Variants in RABGAP1L observed in about 807,000 individuals in gnomAD.
The protein encoded by RABGAP1L is RAB GTPase activating protein 1 like, also known as rab GTPase-activating protein 1-like.
A neutral mutation model predicts 137.7 loss-of-function variants in RABGAP1L; 63 were observed. The observed-to-expected ratio is 0.46, with a 90% CI of 0.37 to 0.56. The LOEUF is 0.56. RABGAP1L is among the 20% of genes least tolerant of loss of function. The pLI is 0.00. For synonymous variants in RABGAP1L, 431 were observed against 433.7 expected (o/e 0.99, Z 0.08); for missense variants, 1,095 against 1,244.0 (o/e 0.88, Z 1.80).
At chr1:174,718,200 G>A (rs968192449) in intron 17 of RABGAP1L, among the ~76,000 whole-genome samples, 2 of 152,026 alleles carry the variant, frequency 1.3e-5, no homozygotes, top group African/African-American at 4.8e-5. Context: ...TTTGGTTTGA[G>A]TTTTGGTTAT....
intron 1 of RABGAP1L, among the ~76,000 whole-genome samples, chr1:174,195,727 TTTCTTTTC>T (rs1667595316): frequency 9.9e-6 from 1 of 100,854 alleles, no homozygotes; most frequent in Non-Finnish European, 2.1e-5. Context: ...CTTTCTTTTC[TTTCTTTTC>T]TTTCTTTCTT....
intron 18 of RABGAP1L, among the ~76,000 whole-genome samples, chr1:174,804,351 A>G (rs1456649774): frequency 6.8e-6 from 1 of 146,496 alleles, no homozygotes; most frequent in East Asian, 2.1e-4. Flanking sequence ...GCTCACTGCA[A>G]CCTCCGCCTC....
At chr1:174,384,554 T>G (rs1031505866) in intron 12 of RABGAP1L, among the ~76,000 whole-genome samples, 3 of 152,084 alleles carry the variant, frequency 2.0e-5, no homozygotes, top group African/African-American at 7.2e-5. Flanking sequence ...TTATGTCTTA[T>G]ACATAGATGG....
At chr1:174,372,064 C>T (rs1685155319) in intron 12 of RABGAP1L, among the ~76,000 whole-genome samples, 1 of 152,088 alleles carries the variant, frequency 6.6e-6, no homozygotes, top group Admixed American at 6.6e-5. Context: ...AGCTGCTTCT[C>T]CTTTTTAAGC....
intron 7 of RABGAP1L, among the ~76,000 whole-genome samples, chr1:174,268,718 AAAGCC>A (rs1435616526): frequency 6.6e-6 from 1 of 152,146 alleles, no homozygotes; most frequent in Non-Finnish European, 1.5e-5. Context: ...AGTTAAGTCT[AAAGCC>A]GTATTAGTGA....
At chr1:174,985,671 A>G (rs1473895614) in intron 24 of RABGAP1L, among the ~76,000 whole-genome samples, 1 of 152,196 alleles carries the variant, frequency 6.6e-6, no homozygotes, top group Non-Finnish European at 1.5e-5. Context: ...CCTTTACACT[A>G]TAATCAGAAT....
At chr1:174,633,315 C>T (rs1286934497) in intron 13 of RABGAP1L, among the ~76,000 whole-genome samples, 5 of 144,560 alleles carry the variant, frequency 3.5e-5, no homozygotes, top group African/African-American at 1.3e-4. Flanking sequence ...ACCTAGGAAT[C>T]CAACTTACAA....
chr1:174,187,600 A>C (rs1186104312), intron 1 of RABGAP1L, among the ~76,000 whole-genome samples: 1 of 152,182 alleles, frequency 6.6e-6, no homozygotes, highest in African/African-American at 2.4e-5. Flanking sequence ...CATTTAAAAA[A>C]GTTTTCAGAT....
intron 13 of RABGAP1L, among the ~76,000 whole-genome samples, chr1:174,625,491 T>C (rs1672881119): frequency 6.6e-6 from 1 of 152,196 alleles, no homozygotes; most frequent in African/African-American, 2.4e-5. Context: ...TGGAGTGCAG[T>C]GGCATGATCT....
At chr1:174,639,911 A>T (rs1366303592) in intron 14 of RABGAP1L, among the ~76,000 whole-genome samples, 1 of 152,172 alleles carries the variant, frequency 6.6e-6, no homozygotes, top group Non-Finnish European at 1.5e-5. Flanking sequence ...TTATCAGTAT[A>T]CATTTTACAA....
intron 10 of RABGAP1L, among the ~76,000 whole-genome samples, chr1:174,298,444 T>A (rs925451938): frequency 6.6e-6 from 1 of 152,226 alleles, no homozygotes; most frequent in Non-Finnish European, 1.5e-5. Context: ...AATAGGAAGC[T>A]TGGGCTTGGC....
chr1:174,430,532 T>C (rs1045891561), intron 13 of RABGAP1L, among the ~76,000 whole-genome samples: 1 of 152,166 alleles, frequency 6.6e-6, no homozygotes, highest in African/African-American at 2.4e-5. Context: ...GGGCACAACA[T>C]GTTGGCAGTA....
intron 7 of RABGAP1L, among the ~76,000 whole-genome samples, chr1:174,271,088 T>C (rs921164038): frequency 1.3e-5 from 2 of 152,162 alleles, no homozygotes; most frequent in African/African-American, 4.8e-5. Flanking sequence ...CATAGCAGTA[T>C]ATAGGTGAAA....
chr1:174,279,102 A>G lies in RABGAP1L; in HGVS notation c.1323+323A>G, dbSNP rs544445525. On this transcript the variant is annotated intron_variant, in intron 10 of 25. Coordinates refer to ENST00000681986, the MANE Select transcript of RABGAP1L (RefSeq NM_001366446.1). ...TTACTTAAAACCAAAAAGGCAGTGC[A>G]CAGAAATATCATATGCTTATAAAAT... Among the ~76,000 whole-genome samples, 9 of 152,362 alleles carry G rather than the reference A, an allele frequency of 5.9e-5. No homozygotes were observed. The East Asian group carries it at 1.5e-3, about 26-fold the overall frequency.
At chr1:174,378,110 T>C (rs1279954994) in intron 12 of RABGAP1L, among the ~76,000 whole-genome samples, 1 of 146,304 alleles carries the variant, frequency 6.8e-6, no homozygotes, top group Non-Finnish European at 1.5e-5. Context: ...ACAAAGGACA[T>C]GAACTCATCA....
intron 4 of RABGAP1L, among the ~76,000 whole-genome samples, chr1:174,233,596 C>T (rs1670884778): frequency 7.1e-6 from 1 of 141,032 alleles, no homozygotes; most frequent in African/African-American, 3.1e-5. Context: ...GACATGAACT[C>T]ATCATTTTTT....
intron 19 of RABGAP1L, among the ~76,000 whole-genome samples, chr1:174,927,067 C>T (rs1245836278): frequency 6.7e-6 from 1 of 149,582 alleles, no homozygotes; most frequent in Non-Finnish European, 1.5e-5. Flanking sequence ...AATAAGACTC[C>T]GTCTCAAAAA....
Position 174,597,059 on chromosome 1 carries a change from A to T in RABGAP1L, c.1711-40316A>T, listed in dbSNP as rs114064846. Among the ~76,000 whole-genome samples the T allele has an allele frequency of 3.8e-3, 584 of 152,230 alleles. 6 individuals carry two copies. Among genetic ancestry groups the T allele is most frequent in the African/African-American group, 0.014 (566 of 41,530 alleles). The stretch of plus-strand genomic sequence containing the variant: ...GTTGAACCATCCTTACATCCTGGGG[A>T]TAAATCTCAGTTGATCATGATGAAT... On this transcript the variant is annotated intron_variant, in intron 13 of 25. Coordinates refer to ENST00000681986, the MANE Select transcript of RABGAP1L (RefSeq NM_001366446.1).
At chr1:174,515,396 C>T (rs1161844227) in intron 13 of RABGAP1L, among the ~76,000 whole-genome samples, 1 of 152,160 alleles carries the variant, frequency 6.6e-6, no homozygotes, top group Non-Finnish European at 1.5e-5. Context: ...CATGCACACA[C>T]ACTGAAGTAT....
Sources: gnomAD v4.1 joint callset for allele counts (sites outside exome capture counted in the v4.1 genomes callset) on GRCh38, gnomAD v4.1.1 for gene constraint, MANE v1.5 for transcripts, NCBI Gene and HGNC (gene_info 2026-07-23, HGNC 2026-07-21) for gene names.